Variants in RTN4 observed in about 807,000 individuals in gnomAD.
RTN4 encodes the protein reticulon-4.
RTN4 carries 32 observed loss-of-function variants against 90.4 expected under a neutral mutation model. The ratio of observed to expected loss-of-function variants is 0.35; its 90% confidence interval spans 0.27 to 0.48. The LOEUF is 0.48. Among genes scored for constraint, RTN4 ranks in the 20% least tolerant of loss-of-function variants. The pLI is 0.99. For missense variants in RTN4, 1,706 were observed against 1,430.2 expected, an observed-to-expected ratio of 1.19 and a Z score of -3.11; for synonymous variants, 629 against 552.5, an observed-to-expected ratio of 1.14 and a Z score of -1.94.
At chr2:55,122,677 C>A in the RTN4 span, among the ~76,000 whole-genome samples, 3 of 152,180 alleles carry the variant, frequency 2.0e-5, no homozygotes, top group Admixed American at 2.0e-4. Context: ...CAGAGCTGAG[C>A]CCAGATTAGT....
intron 1 of RTN4, among the ~76,000 whole-genome samples, chr2:55,095,774 C>G (rs995228256): frequency 6.6e-6 from 1 of 152,136 alleles, no homozygotes; most frequent in Non-Finnish European, 1.5e-5. Flanking sequence ...ATTTCAAATG[C>G]CCTTTTCCTG....
intron 2 of RTN4, among the ~76,000 whole-genome samples, chr2:55,067,055 A>G: frequency 6.6e-6 from 1 of 152,232 alleles, no homozygotes; most frequent in Admixed American, 6.5e-5. Context: ...TATAATGTAC[A>G]CTGTTCATAT....
chr2:55,108,439 G>A (rs1478769047), intron 1 of RTN4, among the ~76,000 whole-genome samples: 1 of 152,016 alleles, frequency 6.6e-6, no homozygotes, highest in Non-Finnish European at 1.5e-5. Context: ...ATCGGGGATG[G>A]GCCTGGAATT....
chr2:55,130,762 T>C, the RTN4 span, among the ~76,000 whole-genome samples: 7 of 151,986 alleles, frequency 4.6e-5, no homozygotes. Context: ...CTCTGAGAGG[T>C]AATTTGCCTG....
chr2:55,024,177 T>C (rs1681648261), intron 3 of RTN4, among the ~76,000 whole-genome samples: 1 of 152,136 alleles, frequency 6.6e-6, no homozygotes, highest in African/African-American at 2.4e-5. Context: ...ATGCCAGAAA[T>C]GAAATCCAGG....
At chr2:55,115,388 A>T (rs1187584462), upstream of RTN4, among the ~76,000 whole-genome samples, 1 of 152,220 alleles carries the variant, frequency 6.6e-6, no homozygotes, top group Non-Finnish European at 1.5e-5. Flanking sequence ...CATCACTATG[A>T]AACTGACTCT....
chr2:55,087,442 T>G (rs895115020), intron 1 of RTN4, among the ~76,000 whole-genome samples: 1 of 152,234 alleles, frequency 6.6e-6, no homozygotes, highest in Non-Finnish European at 1.5e-5. Context: ...AACATTGGTT[T>G]GCATGTTTTC....
chr2:55,006,813 A>G (rs944242972), intron 3 of RTN4, among the ~76,000 whole-genome samples: 1 of 152,122 alleles, frequency 6.6e-6, no homozygotes, highest in Non-Finnish European at 1.5e-5. Context: ...CCCCCTTAGT[A>G]TCAGTTACAC....
rs137983531 is a variant in RTN4, at chr2:55,078,928, C to T, written c.-63+1561G>A. Among the ~76,000 whole-genome samples the T allele has an allele frequency of 6.0e-3, 906 of 152,226 alleles. 3 individuals are homozygous for T. Among genetic ancestry groups the T allele is most frequent in the Non-Finnish European group, 0.01 (696 of 68,028 alleles). On this transcript the variant is annotated intron_variant, in intron 2 of 3. Transcript: ENST00000427710. ...AAAAGGTTCGATTCATCTGACCATC[C>T]TTGGGAATAAGGAGAGGAAATGGGA...
At chr2:55,114,749 G>C (rs1668094343), upstream of RTN4, among the ~76,000 whole-genome samples, 1 of 152,092 alleles carries the variant, frequency 6.6e-6, no homozygotes, top group Admixed American at 6.6e-5. Context: ...CAGAAAGTTA[G>C]TACACCTGTT....
At chr2:55,079,929 T>C (rs539947849) in intron 2 of RTN4, among the ~76,000 whole-genome samples, 2 of 152,352 alleles carry the variant, frequency 1.3e-5, no homozygotes, top group African/African-American at 4.8e-5. Context: ...CTACTCTCTG[T>C]ACCATAGTGT....
At chr2:55,002,549 G>C (rs1679924883) in intron 3 of RTN4, among the ~76,000 whole-genome samples, 1 of 151,474 alleles carries the variant, frequency 6.6e-6, no homozygotes, top group Non-Finnish European at 1.5e-5. Context: ...TAGTTCATGT[G>C]GTTTTCAATA....
intron 1 of RTN4, among the ~76,000 whole-genome samples, chr2:55,083,243 C>T (rs550492622): frequency 2.0e-5 from 3 of 152,328 alleles, no homozygotes; most frequent in Non-Finnish European, 4.4e-5. Context: ...TGCCTGTAAT[C>T]CCTGCACTTT....
At position 55,038,900 on chromosome 2, in the gene RTN4, G is replaced by T. The variant is rs145007139; in HGVS notation, c.557-10680C>A. 4.3e-3 allele frequency among the ~76,000 whole-genome samples: 660 copies of T among 152,300 alleles called. 7 individuals are homozygous for T. Among genetic ancestry groups the T allele is most frequent in the African/African-American group, 0.015 (637 of 41,562 alleles). On this transcript the variant is annotated intron_variant, in intron 1 of 8. Transcript: ENST00000337526. ...ATTAAACTGTGCTATTCTTAGCATG[G>T]AATACCACTCAGCAGTTAAAAGGAA...
chr2:55,009,496 G>A (rs1470622321), intron 3 of RTN4, among the ~76,000 whole-genome samples: 1 of 152,096 alleles, frequency 6.6e-6, no homozygotes, highest in Non-Finnish European at 1.5e-5. Flanking sequence ...TTATTACAAG[G>A]ACAAAGGTTA....
chr2:55,050,513 C>T (rs200086156), upstream of RTN4: 7 of 393,044 alleles, frequency 1.8e-5, no homozygotes, highest in East Asian at 3.8e-5. The surrounding 1 kb of genome is among the most constrained non-coding windows in gnomAD (Gnocchi z 4.6). Flanking sequence ...CACTTGCCGC[C>T]GCCGCCCAGA....
intron 2 of RTN4, among the ~76,000 whole-genome samples, chr2:55,068,144 T>C (rs879395565): frequency 6.6e-6 from 1 of 152,224 alleles, no homozygotes; most frequent in Non-Finnish European, 1.5e-5. Context: ...AAGATGATTG[T>C]GGATATTACT....
rs1374516742 is a variant in RTN4 at position 55,025,154 on chromosome 2, G to T, written c.2945C>A (p.Pro982His). 3.1e-6 allele frequency: 5 copies of T among 1,613,552 alleles called. No individual in the cohort carries two copies. The highest frequency in any genetic ancestry group is 4.2e-6 in the Non-Finnish European group (5 of 1,179,776). The change falls in exon 3 of 9, where the codon CCT (proline) becomes CAT (histidine). Residue 982 changes from proline to histidine, a missense_variant. Physicochemically the swap from Pro to His is moderately conservative, Grantham distance 77. Transcript: ENST00000337526. Reference protein sequence around the residue: ...VLVKEAEKKLPSDTEKEDRSP... With the variant: ...VLVKEAEKKLHSDTEKEDRSP... ...TCTGTCCTCTTTTTCTGTATCGGAAGGAAGTTTTTTCTCAGCTTCTTTCAC... is the reference window on the plus strand; with the variant it reads ...TCTGTCCTCTTTTTCTGTATCGGAATGAAGTTTTTTCTCAGCTTCTTTCAC...
chr2:55,011,747 T>C (rs1680659044), intron 3 of RTN4, among the ~76,000 whole-genome samples: 1 of 151,972 alleles, frequency 6.6e-6, no homozygotes, highest in South Asian at 2.1e-4. Context: ...ATTAGGAAAA[T>C]GAGAGGGGAA....
Sources: allele counts gnomAD v4.1 joint callset (sites outside exome capture counted in the v4.1 genomes callset), GRCh38; gene constraint gnomAD v4.1.1; non-coding constraint Gnocchi (gnomAD v3.1); transcripts MANE v1.5; gene names NCBI Gene and HGNC (gene_info 2026-07-23, HGNC 2026-07-21).